The following GRHL2 variants were observed in gnomAD, a reference collection of about 807,000 sequenced individuals.
GRHL2 encodes the protein grainyhead like transcription factor 2.
Under a neutral mutation model 83.8 loss-of-function variants are expected in GRHL2, and 21 were observed. That is an observed-to-expected ratio of 0.25 (90% confidence interval 0.18 to 0.36). The LOEUF is 0.36. GRHL2 is among the 10% of genes least tolerant of loss of function. The pLI, the probability that GRHL2 is intolerant of heterozygous loss-of-function variation, is 1.00. For synonymous variants in GRHL2, 280 were observed against 278.9 expected, an observed-to-expected ratio of 1.00 and a Z score of -0.04; for missense variants, 623 against 781.8, an observed-to-expected ratio of 0.80 and a Z score of 2.42.
intron 1 of GRHL2, among the ~76,000 whole-genome samples, chr8:101,532,203 C>A (rs1175768763): frequency 6.6e-6 from 1 of 152,204 alleles, no homozygotes; most frequent in Non-Finnish European, 1.5e-5. Flanking sequence ...GACATTAACC[C>A]TGGGTAGGAA....
Position 101,573,680 on chromosome 8 carries a change from G to C in GRHL2, c.747G>C (p.Gln249His). Residue 249 changes from glutamine (Q) to histidine (H), a missense_variant, in exon 6 of 16, where the codon CAG becomes CAC. Around this residue, in one of 8 missense-constraint regions of GRHL2, gnomAD observed 239 missense variants for 240.5 expected, o/e 0.99. Transcript: ENST00000646743. ...TTTTCTTTCACAGTGGCACATTTCA[G>C]TACACCCTGGAAGCCACCAAATCTC... Reference protein sequence around the residue: ...MYDQTSSGTFQYTLEATKSLR... With the variant: ...MYDQTSSGTFHYTLEATKSLR... 6.2e-7 allele frequency: 1 copy of C among 1,614,206 alleles called. No individual in the cohort carries two copies. The highest frequency in any genetic ancestry group is 8.5e-7 in the Non-Finnish European group (1 of 1,180,032).
chr8:101,578,919 C>T (rs1811987362), intron 7 of GRHL2, among the ~76,000 whole-genome samples: 1 of 152,140 alleles, frequency 6.6e-6, no homozygotes, highest in Non-Finnish European at 1.5e-5. Flanking sequence ...TTAAGCCGCT[C>T]CTCACCTCCG....
chr8:101,599,059 G>A lies in GRHL2; in HGVS notation c.1006G>A (p.Asp336Asn), dbSNP rs145433541. Residue 336 changes from aspartate (D) to asparagine (N), a missense_variant and splice_region_variant, in exon 8 of 16, where the codon GAT becomes AAT. This residue lies in a region of GRHL2 where 96 missense variants were observed against 144.8 expected (regional missense o/e 0.66). Transcript: ENST00000646743. Reference protein sequence around the residue: ...TAKQRVLDIADYKESFNTIGN... With the variant: ...TAKQRVLDIANYKESFNTIGN... ...TTGTTCTTTTTTTAATGTTACAGCC[G>A]ATTACAAGGAGAGCTTTAATACGAT... 5.0e-6 allele frequency: 8 copies of A among 1,606,942 alleles called. No individual in the cohort carries two copies. The highest frequency in any genetic ancestry group is 4.0e-5 in the African/African-American group (3 of 74,696).
chr8:101,493,433 TCCCCCGCCTCCC>T (rs1810013684), intron 1 of GRHL2, among the ~76,000 whole-genome samples: 1 of 8,360 alleles, frequency 1.2e-4, no homozygotes, highest in Non-Finnish European at 2.2e-3. Context: ...TCCTCCCCCC[TCCCCCGCCTCCC>T]TCCCCCGGGT....
chr8:101,631,140 C>T (rs1350104335), intron 9 of GRHL2, among the ~76,000 whole-genome samples: 1 of 152,156 alleles, frequency 6.6e-6, no homozygotes, highest in East Asian at 1.9e-4. Flanking sequence ...TGTGTGGTTT[C>T]CTTATGGCTT....
chr8:101,535,674 G>T (rs1811030382), intron 1 of GRHL2, among the ~76,000 whole-genome samples: 1 of 152,124 alleles, frequency 6.6e-6, no homozygotes. Context: ...AAGTAGCTGG[G>T]ATTACAGGCG....
chr8:101,642,296 G>A (rs1250946974), intron 12 of GRHL2, among the ~76,000 whole-genome samples: 1 of 152,230 alleles, frequency 6.6e-6, no homozygotes, highest in Non-Finnish European at 1.5e-5. Flanking sequence ...TATCCAAGAT[G>A]TTATTTTAAT....
At chr8:101,653,644 G>A (rs10093614) in intron 14 of GRHL2, among the ~76,000 whole-genome samples, 76,986 of 151,614 alleles carry the variant, frequency 0.51, 22,131 homozygotes, top group African/African-American at 0.8. Context: ...TAAGAGGCTG[G>A]GGCAAGAGAA....
At chr8:101,680,563 G>C in the GRHL2 span, among the ~76,000 whole-genome samples, 2 of 118,540 alleles carry the variant, frequency 1.7e-5, no homozygotes, top group African/African-American at 3.5e-5. Context: ...ACTCAGCTCT[G>C]CACCAAGTGG....
In GRHL2 at chr8:101,595,948, G is replaced by A. The variant is rs557168925; in HGVS notation, c.1004-3109G>A. Among the ~76,000 whole-genome samples, 66 of 151,784 alleles carry A rather than the reference G, an allele frequency of 4.3e-4. 1 individual carries two copies. The South Asian group carries it at 0.014, about 31-fold the overall frequency. ...ATCCTGGCTAACACAGTGAAACCCC[G>A]TCTCTACTAAAAATACAAAAAATTA... On this transcript the variant is annotated intron_variant, in intron 7 of 15. Transcript: ENST00000646743.
In GRHL2 at chr8:101,608,735, T is replaced by TCTCTCACA. The variant is rs1326292897; in HGVS notation, c.1098+9585_1098+9586insTCTCACAC. 1.3e-3 allele frequency among the ~76,000 whole-genome samples: 181 copies of TCTCTCACA among 144,768 alleles called. 9 individuals are homozygous for TCTCTCACA. Among genetic ancestry groups the TCTCTCACA allele is most frequent in the African/African-American group, 4.5e-3 (171 of 37,752 alleles). The allele number at this position is 144,768 out of a possible 152,430, so 95.0% of individuals were successfully genotyped here. On this transcript the variant is annotated intron_variant, in intron 8 of 15. Coordinates refer to ENST00000646743, the MANE Select transcript of GRHL2 (RefSeq NM_024915.4). ...ATTTGCTTTGTCTCTGCTCACTCTC[T>TCTCTCACA]CACACACACACACACACACACACAC... is the stretch of plus-strand genomic sequence containing the variant.
chr8:101,535,444 A>G (rs1295439683), intron 1 of GRHL2, among the ~76,000 whole-genome samples: 1 of 152,170 alleles, frequency 6.6e-6, no homozygotes, highest in African/African-American at 2.4e-5. Context: ...GTGACTGTGC[A>G]TGGGAGCTGC....
chr8:101,584,122 T>G (rs4734542), intron 7 of GRHL2, among the ~76,000 whole-genome samples: 1,763 of 152,340 alleles, frequency 0.012, 45 homozygotes, highest in South Asian at 0.077. Flanking sequence ...CTTTATTCAA[T>G]CTCTGTCTTC....
chr8:101,637,503 G>A (rs533189891), intron 12 of GRHL2, among the ~76,000 whole-genome samples: 71 of 152,344 alleles, frequency 4.7e-4, no homozygotes, highest in African/African-American at 1.6e-3. Context: ...CATCCTGAAT[G>A]TGGTCCTGCA....
At chr8:101,615,379 A>G (rs1396106180) in intron 8 of GRHL2, among the ~76,000 whole-genome samples, 1 of 152,188 alleles carries the variant, frequency 6.6e-6, no homozygotes, top group East Asian at 1.9e-4. Flanking sequence ...ATGTATGTCC[A>G]CTGTGATTGA....
At chr8:101,540,393 A>C (rs1811127862) in intron 1 of GRHL2, among the ~76,000 whole-genome samples, 2 of 152,214 alleles carry the variant, frequency 1.3e-5, no homozygotes. Context: ...TATGGTAGTA[A>C]GCCTGCCAAC....
At chr8:101,612,869 C>T (rs1812781027) in intron 8 of GRHL2, among the ~76,000 whole-genome samples, 1 of 150,904 alleles carries the variant, frequency 6.6e-6, no homozygotes, top group Admixed American at 6.6e-5. Context: ...TTTTCAGAAT[C>T]ATGGAGCAAA....
At chr8:101,526,466 A>G (rs1392367662) in intron 1 of GRHL2, among the ~76,000 whole-genome samples, 1 of 152,050 alleles carries the variant, frequency 6.6e-6, no homozygotes, top group East Asian at 1.9e-4. Flanking sequence ...TCAGAAAATA[A>G]AGTACTAGAA....
chr8:101,671,055 A>T (rs1814197451), downstream of GRHL2, among the ~76,000 whole-genome samples: 2 of 152,216 alleles, frequency 1.3e-5, no homozygotes, highest in South Asian at 4.1e-4. Context: ...CAAGATGGCT[A>T]CATAGGAACA....
Sources: gnomAD v4.1 joint callset for allele counts (sites outside exome capture counted in the v4.1 genomes callset) on GRCh38, gnomAD v4.1.1 for gene constraint, gnomAD v4.1.1 regional missense constraint, MANE v1.5 for transcripts, NCBI Gene and HGNC (gene_info 2026-07-23, HGNC 2026-07-21) for gene names.